Variants in THRAP3 observed in about 807,000 individuals in gnomAD.
THRAP3 encodes thyroid hormone receptor associated protein 3.
A neutral mutation model predicts 101.0 loss-of-function variants in THRAP3; 16 were observed. The ratio of observed to expected loss-of-function variants is 0.16; its 90% confidence interval spans 0.11 to 0.24. The LOEUF (loss-of-function observed/expected upper bound fraction) is 0.24. Ranked by LOEUF, THRAP3 falls within the 10% of genes least tolerant of loss-of-function variation. The pLI is 1.00. For missense variants in THRAP3, 989 were observed against 1,202.7 expected, an observed-to-expected ratio of 0.82 and a Z score of 2.63; for synonymous variants, 407 against 422.6, an observed-to-expected ratio of 0.96 and a Z score of 0.45.
At chr1:36,249,117 A>T in intron 1 of THRAP3, among the ~76,000 whole-genome samples, 1 of 151,476 alleles carries the variant, frequency 6.6e-6, no homozygotes, top group African/African-American at 2.4e-5. Context: ...CAAACTCCAG[A>T]CCACAGGCTG....
chr1:36,254,242 C>A (rs1384729066), intron 1 of THRAP3, among the ~76,000 whole-genome samples: 2 of 152,190 alleles, frequency 1.3e-5, no homozygotes, highest in Non-Finnish European at 2.9e-5. Flanking sequence ...GTTTTTCCAA[C>A]TAAGTCCTTT....
chr1:36,260,592 G>A (rs1408598211), intron 2 of THRAP3, among the ~76,000 whole-genome samples: 1 of 152,118 alleles, frequency 6.6e-6, no homozygotes, highest in Non-Finnish European at 1.5e-5. Flanking sequence ...GGAGGCCGAG[G>A]CGGGCGGATC....
chr1:36,289,506 C>G lies in THRAP3; in HGVS notation c.1487C>G (p.Pro496Arg). 1 of 1,614,048 alleles carries G rather than the reference C, an allele frequency of 6.2e-7. No individual in the cohort carries two copies. Among genetic ancestry groups the G allele is most frequent in the Non-Finnish European group, 8.5e-7 (1 of 1,180,024 alleles). Residue 496 changes from proline (P) to arginine (R), a missense_variant, in exon 5 of 12, where the codon CCA (proline) becomes CGA (arginine). By Grantham distance (103) the Pro-to-Arg change is moderately radical. Coordinates refer to ENST00000354618, the MANE Select transcript of THRAP3 (RefSeq NM_005119.4). The part of the protein sequence containing the change: ...KTEELEEESF[P>R]ERSKKEDRGK... ...GAGGAGCTGGAGGAGGAGTCTTTCC[C>G]AGAGAGATCCAAAAAGGAAGATCGG...
At chr1:36,222,582 A>G (rs994658246), upstream of THRAP3, among the ~76,000 whole-genome samples, 10 of 151,758 alleles carry the variant, frequency 6.6e-5, no homozygotes, top group African/African-American at 2.4e-4. Context: ...AATCTGTAGT[A>G]TTTTTAGTAG....
At chr1:36,229,480 G>A (rs1570221032) in intron 1 of THRAP3, among the ~76,000 whole-genome samples, 1 of 143,026 alleles carries the variant, frequency 7.0e-6, no homozygotes, top group South Asian at 2.3e-4. Flanking sequence ...AGAAATTTTA[G>A]TTTCTTTTTG....
upstream of THRAP3, among the ~76,000 whole-genome samples, chr1:36,224,158 G>A (rs146152703): frequency 2.4e-3 from 359 of 152,352 alleles, 1 homozygote; most frequent in Non-Finnish European, 3.6e-3. Flanking sequence ...GGGGGCAGTG[G>A]CGTCAGCAAC....
intron 2 of THRAP3, among the ~76,000 whole-genome samples, chr1:36,274,567 G>A (rs1243229760): frequency 6.6e-6 from 1 of 150,720 alleles, no homozygotes; most frequent in Non-Finnish European, 1.5e-5. Flanking sequence ...AGACAGACAG[G>A]TCAGTAGAAT....
rs375417797 is a variant in THRAP3 at position 36,253,291 on chromosome 1, A to G, written c.-134-6091A>G. ...CTTTTAGCATACCATAACATTGCAG[A>G]TAAATCGCTTCCAATTGAAGATTAG... On this transcript the variant is annotated intron_variant, in intron 1 of 11. Transcript: ENST00000354618. 3.3e-5 allele frequency among the ~76,000 whole-genome samples: 5 copies of G among 152,160 alleles called. No homozygotes were observed. In the East Asian group the frequency reaches 9.6e-4, roughly 29 times the overall value.
chr1:36,252,636 C>T (rs1001621013), intron 1 of THRAP3, among the ~76,000 whole-genome samples: 1 of 151,812 alleles, frequency 6.6e-6, no homozygotes, highest in Non-Finnish European at 1.5e-5. Context: ...GGCTAGGCAC[C>T]GTGCCTCACA....
intron 1 of THRAP3, among the ~76,000 whole-genome samples, chr1:36,231,199 T>TAA (rs200254604): frequency 1.4e-5 from 2 of 147,358 alleles, no homozygotes; most frequent in African/African-American, 5.0e-5. Flanking sequence ...TGTTTCTTCT[T>TAA]AAAAAAAAAA....
intron 2 of THRAP3, among the ~76,000 whole-genome samples, chr1:36,265,803 G>T (rs1472416705): frequency 6.6e-6 from 1 of 152,032 alleles, no homozygotes; most frequent in Non-Finnish European, 1.5e-5. Context: ...TTAGCTGTTT[G>T]TCCTAATCTA....
the THRAP3 span, among the ~76,000 whole-genome samples, chr1:36,213,942 AGAAAGAAAGAAAGAAAGAAGGAAAG>A: frequency 7.9e-6 from 1 of 126,562 alleles, no homozygotes; most frequent in African/African-American, 3.5e-5. Flanking sequence ...AAAGAAAGAA[AGAAAGAAAGAAAGAAAGAAGGAAAG>A]AGAAAGAAAG....
the THRAP3 span, among the ~76,000 whole-genome samples, chr1:36,208,031 G>A: frequency 6.6e-6 from 1 of 152,168 alleles, no homozygotes; most frequent in Non-Finnish European, 1.5e-5. Context: ...GACCTCAGGT[G>A]AGCCACCCGC....
At chr1:36,270,571 G>GGTTTTTTTTTTTTTTTTTTCTT (rs1553121666) in intron 2 of THRAP3, among the ~76,000 whole-genome samples, 1 of 31,870 alleles carries the variant, frequency 3.1e-5, no homozygotes, top group African/African-American at 7.1e-5. Context: ...ATTTGTTTAG[G>GGTTTTTTTTTTTTTTTTTTCTT]TTTTTGTTTT....
chr1:36,266,245 A>G (rs567901978), intron 2 of THRAP3, among the ~76,000 whole-genome samples: 7 of 151,876 alleles, frequency 4.6e-5, no homozygotes, highest in Admixed American at 1.3e-4. Flanking sequence ...CTTGAGCCCA[A>G]GATGCAGAGG....
At chr1:36,259,535 C>G (rs2124487083) in intron 2 of THRAP3, 51 bp downstream of exon 2, 1 of 397,920 alleles carries the variant, frequency 2.5e-6, no homozygotes, top group East Asian at 3.6e-5. Context: ...TTTGTAAAAC[C>G]AATCTTACGT....
intron 2 of THRAP3, among the ~76,000 whole-genome samples, chr1:36,271,295 T>G (rs1030747664): frequency 1.3e-5 from 2 of 152,180 alleles, no homozygotes; most frequent in Non-Finnish European, 2.9e-5. Context: ...AATTTTTTTT[T>G]CCCCCAAGAT....
At chr1:36,291,856 C>G (rs1557453129) in intron 6 of THRAP3, among the ~76,000 whole-genome samples, 1 of 152,222 alleles carries the variant, frequency 6.6e-6, no homozygotes, top group Non-Finnish European at 1.5e-5. Flanking sequence ...CTTCTCCCCT[C>G]TAAGTGATCT....
chr1:36,286,585 A>G lies in THRAP3; in HGVS notation c.355A>G (p.Ser119Gly). The G allele has an allele frequency of 1.2e-6, 2 of 1,614,202 alleles. No homozygotes were observed. Among genetic ancestry groups the G allele is most frequent in the Non-Finnish European group, 1.7e-6 (2 of 1,180,038 alleles). ...TTGGCAGAATTACCGGCAAGCATAC[A>G]GTCCTCGTCGAGGCCGTTCAAGATC... ...SNWQNYRQAY[S>G]PRRGRSRSRS... The change falls in exon 4 of 12, where the codon AGT becomes GGT. Residue 119 changes from serine (S) to glycine (G), a missense_variant. Coordinates refer to ENST00000354618, the MANE Select transcript of THRAP3 (RefSeq NM_005119.4). This position sits in a 1 kb window ranked among gnomAD's most constrained non-coding sequence, Gnocchi z 5.5.
Sources: gnomAD v4.1 joint callset for allele counts (sites outside exome capture counted in the v4.1 genomes callset) on GRCh38, gnomAD v4.1.1 for gene constraint, Gnocchi (gnomAD v3.1) non-coding constraint, MANE v1.5 for transcripts, NCBI Gene and HGNC (gene_info 2026-07-23, HGNC 2026-07-21) for gene names.